Variants in UBE3D observed in about 807,000 individuals in gnomAD.
UBE3D encodes the protein E3 ubiquitin-protein ligase E3D.
A neutral mutation model predicts 49.6 loss-of-function variants in UBE3D; 48 were observed. The ratio of observed to expected loss-of-function variants is 0.97; its 90% CI spans 0.77 to 1.23. UBE3D has a LOEUF of 1.23. Among genes scored for constraint, UBE3D ranks in the 50% most tolerant of loss-of-function variants. The pLI is 0.00. For synonymous variants in UBE3D, 189 were observed against 174.2 expected, an observed-to-expected ratio of 1.08 and a Z score of -0.67; for missense variants, 452 against 468.4, an observed-to-expected ratio of 0.96 and a Z score of 0.32.
intron 9 of UBE3D, among the ~76,000 whole-genome samples, chr6:82,951,337 T>C (rs928199938): frequency 6.6e-6 from 1 of 152,196 alleles, no homozygotes; most frequent in Non-Finnish European, 1.5e-5. Flanking sequence ...ATTCTGTCAT[T>C]AACCTGGGGC....
At chr6:82,932,365 A>T (rs1774224995) in intron 9 of UBE3D, among the ~76,000 whole-genome samples, 1 of 152,156 alleles carries the variant, frequency 6.6e-6, no homozygotes, top group Non-Finnish European at 1.5e-5. Context: ...ATCTGGTCCT[A>T]TAAAATGGTG....
chr6:82,954,256 A>G lies in UBE3D; in HGVS notation c.1149+3056T>C, dbSNP rs904649305. On this transcript the variant is annotated intron_variant, in intron 9 of 9. Transcript: ENST00000369747. Reference sequence around the variant, plus strand: ...CACTGCAACAACTTAGTATATGCTTAGCAATATGTCAGTGAATCTCAATCA... The same window carrying G: ...CACTGCAACAACTTAGTATATGCTTGGCAATATGTCAGTGAATCTCAATCA... 2.0e-5 allele frequency among the ~76,000 whole-genome samples: 3 copies of G among 152,330 alleles called. No individual in the cohort carries two copies. In the South Asian group the frequency reaches 6.2e-4, roughly 32 times the overall value.
chr6:82,915,647 T>C (rs1206874547), intron 9 of UBE3D, among the ~76,000 whole-genome samples: 1 of 152,216 alleles, frequency 6.6e-6, no homozygotes, highest in Non-Finnish European at 1.5e-5. Context: ...CTTGTCAACA[T>C]GCTCTCTTTG....
chr6:83,047,497 C>G (rs185554611), intron 3 of UBE3D, among the ~76,000 whole-genome samples: 120 of 152,308 alleles, frequency 7.9e-4, no homozygotes, highest in Middle Eastern at 3.4e-3. Flanking sequence ...GGCTTTGTAC[C>G]TGGAACTACG....
the UBE3D span, among the ~76,000 whole-genome samples, chr6:82,886,759 G>A: frequency 1.3e-5 from 2 of 152,160 alleles, no homozygotes; most frequent in African/African-American, 4.8e-5. Context: ...ATTTTCTCAT[G>A]ATATCAACAA....
chr6:82,884,889 A>C, the UBE3D span, among the ~76,000 whole-genome samples: 2 of 152,184 alleles, frequency 1.3e-5, no homozygotes, highest in African/African-American at 4.8e-5. Flanking sequence ...AATTACATAA[A>C]AAGTAAATTG....
chr6:82,898,108 G>A (rs1771463105), intron 9 of UBE3D, among the ~76,000 whole-genome samples: 1 of 152,068 alleles, frequency 6.6e-6, no homozygotes, highest in African/African-American at 2.4e-5. Flanking sequence ...TTAGAGAAAT[G>A]CAAATCAAAA....
chr6:82,893,107 A>G (rs1052298670), intron 9 of UBE3D, 65 bp from the exon 10 acceptor site: 1 of 1,582,692 alleles, frequency 6.3e-7, no homozygotes, highest in Non-Finnish European at 8.7e-7. Context: ...CTGCATGTAC[A>G]TCAAATCAGA....
intron 9 of UBE3D, among the ~76,000 whole-genome samples, chr6:82,902,676 G>T (rs1421693262): frequency 6.6e-6 from 1 of 152,178 alleles, no homozygotes; most frequent in Non-Finnish European, 1.5e-5. Context: ...TGTGTTGATA[G>T]AACTGTTCAG....
chr6:83,064,515 C>T (rs1784374717), intron 1 of UBE3D, among the ~76,000 whole-genome samples: 1 of 152,120 alleles, frequency 6.6e-6, no homozygotes, highest in South Asian at 2.1e-4. Flanking sequence ...CATGAGCCAC[C>T]CGGGTACCTT....
At chr6:82,924,369 T>A (rs1008537700) in intron 9 of UBE3D, among the ~76,000 whole-genome samples, 6 of 152,296 alleles carry the variant, frequency 3.9e-5, no homozygotes, top group African/African-American at 1.4e-4. Flanking sequence ...AGTTTTGATT[T>A]AGGAAATGAT....
intron 8 of UBE3D, among the ~76,000 whole-genome samples, chr6:83,012,871 A>G (rs1184684511): frequency 6.6e-6 from 1 of 152,182 alleles, no homozygotes; most frequent in African/African-American, 2.4e-5. Flanking sequence ...GATGTCCTAG[A>G]AAGGGGTTGT....
At chr6:82,892,300 G>A (rs1045035129), downstream of UBE3D, 1 of 152,868 alleles carries the variant, frequency 6.5e-6, no homozygotes, top group African/African-American at 2.4e-5. Flanking sequence ...GAGCTAGCGT[G>A]TACTCTGTGG....
In UBE3D at chr6:83,065,835, C is replaced by T; in HGVS notation, c.-117G>A. On this transcript the variant is annotated 5_prime_UTR_variant, in exon 1 of 10. Coordinates refer to ENST00000369747, the MANE Select transcript of UBE3D (RefSeq NM_198920.3). ...AGCGGCAGCCCCGCTGCGGCGCAGG[C>T]GCCTGTGCCAGATCGCAGGGCTGGC... 1.8e-6 allele frequency: 2 copies of T among 1,089,120 alleles called. No homozygotes were observed. The highest frequency in any genetic ancestry group is 2.6e-6 in the Non-Finnish European group (2 of 757,148). 67.5% of individuals were successfully genotyped at this position (1,089,120 alleles called of 1,614,324 possible).
the UBE3D span, among the ~76,000 whole-genome samples, chr6:82,880,881 G>A: frequency 6.6e-6 from 1 of 152,114 alleles, no homozygotes; most frequent in East Asian, 1.9e-4. Flanking sequence ...GTTGGGCTCT[G>A]GTGCAGGCTC....
intron 8 of UBE3D, among the ~76,000 whole-genome samples, chr6:82,970,248 A>G (rs917460862): frequency 6.6e-6 from 1 of 151,466 alleles, no homozygotes; most frequent in Non-Finnish European, 1.5e-5. Context: ...CATTTTCAAA[A>G]ATAAATTCAA....
At position 83,016,438 on chromosome 6, in the gene UBE3D, G is replaced by A. The variant is rs191161338; in HGVS notation, c.1010+2535C>T. Among the ~76,000 whole-genome samples, 370 of 152,070 alleles carry A rather than the reference G, an allele frequency of 2.4e-3. 4 individuals carry two copies. The highest frequency in any genetic ancestry group is 7.8e-3 in the African/African-American group (324 of 41,476). ...CATTCTCCATGCTATCAGAAGTAGA[G>A]TCCTTAGCATTTTTGGATGTAATCA... On this transcript the variant is annotated intron_variant, in intron 8 of 9. Transcript: ENST00000369747.
chr6:82,947,346 C>A (rs1451538631), intron 9 of UBE3D, among the ~76,000 whole-genome samples: 1 of 151,864 alleles, frequency 6.6e-6, no homozygotes, highest in Non-Finnish European at 1.5e-5. Flanking sequence ...AAAATAATAA[C>A]TGGAGACTTC....
intron 8 of UBE3D, among the ~76,000 whole-genome samples, 188 bp from the exon 9 acceptor site, chr6:82,957,638 T>C (rs903134684): frequency 6.6e-6 from 1 of 152,182 alleles, no homozygotes; most frequent in Non-Finnish European, 1.5e-5. Flanking sequence ...ATAAAGCAGA[T>C]GGATCAGGCA....
Sources: gnomAD v4.1 joint callset for allele counts (sites outside exome capture counted in the v4.1 genomes callset) on GRCh38, gnomAD v4.1.1 for gene constraint, MANE v1.5 for transcripts, NCBI Gene and HGNC (gene_info 2026-07-23, HGNC 2026-07-21) for gene names.